Variants in STK33 observed in about 807,000 individuals in gnomAD.
The protein encoded by STK33 is serine/threonine-protein kinase 33.
Under a neutral mutation model 58.0 loss-of-function variants are expected in STK33, and 52 were observed. That is an observed-to-expected ratio of 0.90 (90% confidence interval 0.72 to 1.13). STK33 has a LOEUF of 1.13. Among genes scored for constraint, STK33 ranks in the 50% most tolerant of loss-of-function variants. STK33 has a pLI of 0.00. For synonymous variants in STK33, 215 were observed against 200.1 expected (o/e 1.07, Z -0.63); for missense variants, 630 against 604.2 (o/e 1.04, Z -0.45).
At chr11:8,448,614 C>A (rs1342477695) in intron 11 of STK33, among the ~76,000 whole-genome samples, 2 of 152,114 alleles carry the variant, frequency 1.3e-5, no homozygotes, top group Non-Finnish European at 2.9e-5. Context: ...CTTCCTTACA[C>A]CTTATATAAA....
intron 15 of STK33, among the ~76,000 whole-genome samples, chr11:8,406,807 C>T (rs1030500858): frequency 6.6e-6 from 1 of 152,012 alleles, no homozygotes; most frequent in Non-Finnish European, 1.5e-5. Flanking sequence ...TCTTCCTTTA[C>T]AATATATATA....
chr11:8,361,895 G>A, the STK33 span, among the ~76,000 whole-genome samples: 3 of 152,206 alleles, frequency 2.0e-5, no homozygotes, highest in Non-Finnish European at 4.4e-5. This position sits in a 1 kb window ranked among gnomAD's most constrained non-coding sequence, Gnocchi z 4.8. Flanking sequence ...CTGTGCTCAC[G>A]CGGGCCCATG....
chr11:8,528,264 C>T (rs2140057963), intron 1 of STK33, among the ~76,000 whole-genome samples: 1 of 152,308 alleles, frequency 6.6e-6, no homozygotes, highest in Non-Finnish European at 1.5e-5. Context: ...TCCAGACTAG[C>T]TGATAAAGTA....
At chr11:8,364,373 G>T in the STK33 span, among the ~76,000 whole-genome samples, 2 of 152,210 alleles carry the variant, frequency 1.3e-5, no homozygotes, top group Non-Finnish European at 2.9e-5. Context: ...GAAGTGTCAT[G>T]TGGGTTTCTA....
chr11:8,526,768 C>T (rs571514634), intron 1 of STK33, among the ~76,000 whole-genome samples: 1 of 137,028 alleles, frequency 7.3e-6, no homozygotes, highest in Admixed American at 7.6e-5. Flanking sequence ...CACACACACA[C>T]AAAAAGAAAA....
intron 7 of STK33, among the ~76,000 whole-genome samples, chr11:8,463,084 C>T (rs368113715): frequency 6.6e-6 from 1 of 152,130 alleles, no homozygotes; most frequent in African/African-American, 2.4e-5. Context: ...GCTCCTCAAC[C>T]TTTAGCATCT....
chr11:8,544,224 T>C (rs774040562), intron 1 of STK33, among the ~76,000 whole-genome samples: 8 of 151,118 alleles, frequency 5.3e-5, no homozygotes, highest in East Asian at 1.9e-4. Flanking sequence ...TGTGTTCTCA[T>C]TGTTCAACTC....
chr11:8,532,440 G>T, intron 1 of STK33, among the ~76,000 whole-genome samples: 1 of 152,198 alleles, frequency 6.6e-6, no homozygotes, highest in East Asian at 1.9e-4. Flanking sequence ...TAAAATACTT[G>T]CCATCTGGCC....
At chr11:8,480,049 A>G (rs1269250841) in intron 2 of STK33, among the ~76,000 whole-genome samples, 1 of 152,200 alleles carries the variant, frequency 6.6e-6, no homozygotes, top group Non-Finnish European at 1.5e-5. Flanking sequence ...CATATGGAGA[A>G]GAGATATCTC....
chr11:8,527,063 C>G (rs1299797065), intron 1 of STK33, among the ~76,000 whole-genome samples: 1 of 151,070 alleles, frequency 6.6e-6, no homozygotes, highest in Admixed American at 6.6e-5. Flanking sequence ...ACTCCGCCTC[C>G]GGGGTTCATG....
chr11:8,429,067 G>T (rs572100015), intron 14 of STK33, among the ~76,000 whole-genome samples: 8 of 151,994 alleles, frequency 5.3e-5, no homozygotes, highest in Non-Finnish European at 1.2e-4. Flanking sequence ...GGAAGAAGTA[G>T]AATAGAAAAA....
In STK33 at chr11:8,399,131, C is replaced by T. The variant is rs375989094; in HGVS notation, c.1345-6421G>A. Among the ~76,000 whole-genome samples, 26 of 152,356 alleles carry T rather than the reference C, an allele frequency of 1.7e-4. No homozygotes were observed. In the South Asian group the frequency reaches 3.5e-3, roughly 21 times the overall value. ...ACCAAGTGGACCTAATAGACTTCTA[C>T]AGAACTTTCCACCCCAAATCAACAG... On this transcript the variant is annotated intron_variant, in intron 15 of 15. Transcript: ENST00000687296.
chr11:8,462,420 T>C (rs150765908), intron 7 of STK33, among the ~76,000 whole-genome samples: 1,740 of 112,270 alleles, frequency 0.015, 35 homozygotes, highest in African/African-American at 0.055. Context: ...TACACACACA[T>C]ATATATACAT....
At chr11:8,518,370 C>G (rs1454071505) in intron 1 of STK33, among the ~76,000 whole-genome samples, 1 of 152,136 alleles carries the variant, frequency 6.6e-6, no homozygotes. Context: ...ACAACCGGTA[C>G]CAGCCACTGC....
intron 1 of STK33, among the ~76,000 whole-genome samples, chr11:8,525,307 A>G (rs1011811317): frequency 6.6e-6 from 1 of 152,192 alleles, no homozygotes; most frequent in African/African-American, 2.4e-5. Context: ...ATAGCCAAAG[A>G]CAATCTTAAA....
At chr11:8,406,361 T>G (rs1727640886) in intron 15 of STK33, among the ~76,000 whole-genome samples, 1 of 152,136 alleles carries the variant, frequency 6.6e-6, no homozygotes, top group Non-Finnish European at 1.5e-5. Flanking sequence ...GTTTTATGTA[T>G]CTCCAAATAA....
At chr11:8,544,957 G>A (rs778035116) in intron 1 of STK33, among the ~76,000 whole-genome samples, 1 of 152,186 alleles carries the variant, frequency 6.6e-6, no homozygotes, top group Non-Finnish European at 1.5e-5. Flanking sequence ...AACTGCATCA[G>A]CTAAAACCAT....
chr11:8,344,012 G>A, the STK33 span, among the ~76,000 whole-genome samples: 3 of 152,090 alleles, frequency 2.0e-5, no homozygotes, highest in East Asian at 1.9e-4. Context: ...CCAGCAGTCC[G>A]CTCTGGTCCT....
intron 11 of STK33, among the ~76,000 whole-genome samples, chr11:8,443,990 G>C (rs1945089619): frequency 6.6e-6 from 1 of 152,162 alleles, no homozygotes; most frequent in Non-Finnish European, 1.5e-5. Flanking sequence ...CTAAGCAACA[G>C]AGGGAGGCCC....
Sources: allele counts gnomAD v4.1 joint callset (sites outside exome capture counted in the v4.1 genomes callset), GRCh38; gene constraint gnomAD v4.1.1; non-coding constraint Gnocchi (gnomAD v3.1); transcripts MANE v1.5; gene names NCBI Gene and HGNC (gene_info 2026-07-23, HGNC 2026-07-21).